GIPC2: variants seen among roughly 807,000 people sequenced by gnomAD.
GIPC2 encodes PDZ domain-containing protein GIPC2.
A neutral mutation model predicts 30.6 loss-of-function variants in GIPC2; 30 were observed. That is an observed-to-expected ratio of 0.98 (90% CI 0.73 to 1.33). The LOEUF (loss-of-function observed/expected upper bound fraction) is 1.33, where lower values mean the gene tolerates loss of function less well. Ranked by LOEUF, GIPC2 falls within the 40% of genes most tolerant of loss-of-function variation. The pLI is 0.00. For missense variants in GIPC2, 414 were observed against 390.3 expected, an observed-to-expected ratio of 1.06 and a Z score of -0.51; for synonymous variants, 167 against 150.0, an observed-to-expected ratio of 1.11 and a Z score of -0.83.
intron 1 of GIPC2, among the ~76,000 whole-genome samples, chr1:78,077,130 C>T (rs969243346): frequency 3.9e-5 from 6 of 151,922 alleles, no homozygotes; most frequent in Non-Finnish European, 5.9e-5. Context: ...AACCACTAGC[C>T]GAATTTGGAT....
At chr1:78,052,049 C>G (rs1661207968) in intron 1 of GIPC2, among the ~76,000 whole-genome samples, 1 of 152,198 alleles carries the variant, frequency 6.6e-6, no homozygotes, top group Non-Finnish European at 1.5e-5. Context: ...GCTCTGTTAC[C>G]TCTTCAGAAT....
At chr1:78,089,908 GT>G (rs1460707020) in intron 2 of GIPC2, among the ~76,000 whole-genome samples, 4 of 152,190 alleles carry the variant, frequency 2.6e-5, no homozygotes, top group Non-Finnish European at 5.9e-5. Context: ...CACAAAAACA[GT>G]TACAGATAAT....
At chr1:78,126,100 T>A (rs991132516) in intron 5 of GIPC2, 138 bp downstream of exon 5, 1 of 546,666 alleles carries the variant, frequency 1.8e-6, no homozygotes, top group African/African-American at 1.9e-5. Context: ...GACATAAAGA[T>A]AAGAATAATG....
chr1:78,123,280 G>GAAA (rs1189993152), intron 4 of GIPC2, among the ~76,000 whole-genome samples: 2 of 92,302 alleles, frequency 2.2e-5, no homozygotes, highest in Admixed American at 2.0e-4. Context: ...AAAAAAAAAG[G>GAAA]GTCAGGAAGT....
In GIPC2 at chr1:78,094,953, G is replaced by T; in HGVS notation, c.428G>T (p.Arg143Ile). ...DNGVGYAFIKRIKDGGVIDSV... is the reference protein window; with the variant it reads ...DNGVGYAFIKIIKDGGVIDSV... ...ATGTTATCATCAATTTCCTTTCAGA[G>T]AATTAAAGATGGTGGTGTTATTGAC... The change falls in exon 3 of 6, where the codon AGA becomes ATA. Residue 143 changes from arginine (R) to isoleucine (I), a missense_variant and splice_region_variant. Coordinates refer to ENST00000370759, the MANE Select transcript of GIPC2 (RefSeq NM_017655.6). The T allele has an allele frequency of 6.4e-7, 1 of 1,567,664 alleles. No individual in the cohort carries two copies. Among genetic ancestry groups the T allele is most frequent in the Non-Finnish European group, 8.8e-7 (1 of 1,138,670 alleles).
In GIPC2 at chr1:78,057,527, G is replaced by T. The variant is rs148864418; in HGVS notation, c.240+11193G>T. ...TAATTTTTCAAAAGAAATCACTGTG[G>T]AGATATTTCTTCCTGTTATGTGTAT... On this transcript the variant is annotated intron_variant, in intron 1 of 5. Coordinates refer to ENST00000370759, the MANE Select transcript of GIPC2 (RefSeq NM_017655.6). Among the ~76,000 whole-genome samples, 82 of 152,292 alleles carry T rather than the reference G, an allele frequency of 5.4e-4. No individual in the cohort carries two copies. The East Asian group carries it at 0.016, about 29-fold the overall frequency.
intron 3 of GIPC2, chr1:78,112,625 C>G (rs1372365171): frequency 6.0e-6 from 3 of 501,936 alleles, no homozygotes; most frequent in Non-Finnish European, 1.2e-5. Context: ...CTTGGTCCTT[C>G]CGTCAGTTGA....
intron 3 of GIPC2, among the ~76,000 whole-genome samples, chr1:78,111,478 A>G (rs1171244685): frequency 6.6e-6 from 1 of 152,224 alleles, no homozygotes; most frequent in Non-Finnish European, 1.5e-5. Flanking sequence ...GAGAAATCAT[A>G]CTGTTTTAAA....
chr1:78,056,753 C>G (rs1006244242), intron 1 of GIPC2, among the ~76,000 whole-genome samples: 5 of 152,228 alleles, frequency 3.3e-5, no homozygotes, highest in African/African-American at 1.2e-4. Flanking sequence ...TGTGCCCCTT[C>G]CCACTTGCAC....
intron 2 of GIPC2, among the ~76,000 whole-genome samples, chr1:78,093,986 T>C (rs966817015): frequency 6.6e-6 from 1 of 152,096 alleles, no homozygotes; most frequent in Non-Finnish European, 1.5e-5. Flanking sequence ...CCTACAGATG[T>C]ATTGTAGAGA....
chr1:78,055,786 G>A (rs1340738971), intron 1 of GIPC2, among the ~76,000 whole-genome samples: 1 of 152,142 alleles, frequency 6.6e-6, no homozygotes, highest in African/African-American at 2.4e-5. Flanking sequence ...AGGGTCATGT[G>A]GTACAGAGGT....
rs1482306383 is a variant in GIPC2 at position 78,136,503 on chromosome 1, C to T, written c.*760C>T. On this transcript the variant is annotated 3_prime_UTR_variant, in exon 6 of 6. Coordinates refer to ENST00000370759, the MANE Select transcript of GIPC2 (RefSeq NM_017655.6). ...TAAAACATTATTTCTTTTTTTCACT[C>T]ATAGCCACTTTTATGTTACCTTTTA... 6.6e-6 allele frequency: 1 copy of T among 150,766 alleles called. No individual in the cohort carries two copies. The highest frequency in any genetic ancestry group is 1.5e-5 in the Non-Finnish European group (1 of 67,748). The allele number at this position is 150,766 out of a possible 1,614,324, so 9.3% of individuals were successfully genotyped here. A position where few individuals can be genotyped will look rare whatever the true frequency, so the allele number is the denominator to read the frequency against.
chr1:78,050,266 T>C (rs1661171541), intron 1 of GIPC2, among the ~76,000 whole-genome samples: 1 of 152,186 alleles, frequency 6.6e-6, no homozygotes, highest in South Asian at 2.1e-4. Context: ...AACACTAACC[T>C]GGAAAAACGT....
At chr1:78,108,353 CT>C (rs1181971502) in intron 3 of GIPC2, among the ~76,000 whole-genome samples, 1 of 152,146 alleles carries the variant, frequency 6.6e-6, no homozygotes, top group Non-Finnish European at 1.5e-5. Flanking sequence ...AGCGTTGGGG[CT>C]TTCTTAAATG....
intron 3 of GIPC2, among the ~76,000 whole-genome samples, chr1:78,103,971 G>A (rs1289237576): frequency 6.6e-6 from 1 of 152,200 alleles, no homozygotes. Flanking sequence ...GATCTCAGGT[G>A]AAAGGCCCTT....
intron 1 of GIPC2, among the ~76,000 whole-genome samples, chr1:78,064,729 T>C (rs1661469392): frequency 6.8e-6 from 1 of 147,530 alleles, no homozygotes; most frequent in Non-Finnish European, 1.5e-5. Flanking sequence ...GGTACAATCA[T>C]AACTCATGCA....
At chr1:78,076,188 C>T (rs1661713897) in intron 1 of GIPC2, among the ~76,000 whole-genome samples, 1 of 152,128 alleles carries the variant, frequency 6.6e-6, no homozygotes, top group Non-Finnish European at 1.5e-5. Context: ...ACCCAAGCTA[C>T]CATATGGCTT....
intron 3 of GIPC2, among the ~76,000 whole-genome samples, chr1:78,106,665 A>G (rs1662359341): frequency 1.3e-5 from 2 of 152,198 alleles, no homozygotes; most frequent in African/African-American, 4.8e-5. Context: ...AATACCTTAC[A>G]GTGGATTTTT....
chr1:78,057,490 C>T (rs1661317895), intron 1 of GIPC2, among the ~76,000 whole-genome samples: 1 of 152,106 alleles, frequency 6.6e-6, no homozygotes, highest in African/African-American at 2.4e-5. Flanking sequence ...TTTAGAATTA[C>T]TGGTGGAATT....
Sources: gnomAD v4.1 joint callset for allele counts (sites outside exome capture counted in the v4.1 genomes callset) on GRCh38, gnomAD v4.1.1 for gene constraint, MANE v1.5 for transcripts, NCBI Gene and HGNC (gene_info 2026-07-23, HGNC 2026-07-21) for gene names.